The following VIT variants were observed in gnomAD, a reference collection of about 807,000 sequenced individuals.
VIT encodes the protein vitrin.
VIT carries 99 observed loss-of-function variants against 78.0 expected under a neutral mutation model. That is an observed-to-expected ratio of 1.27 (90% CI 1.08 to 1.50). The LOEUF is 1.50. Among genes scored for constraint, VIT ranks in the 40% most tolerant of loss-of-function variants. The probability of loss-of-function intolerance (pLI) is 0.00; values close to 1 mark genes in which losing one functional copy is unlikely to be tolerated. For synonymous variants in VIT, 374 were observed against 334.3 expected, an observed-to-expected ratio of 1.12 and a Z score of -1.29; for missense variants, 1,126 against 875.3, an observed-to-expected ratio of 1.29 and a Z score of -3.61.
chr2:36,776,541 C>T (rs1203181288), intron 9 of VIT, among the ~76,000 whole-genome samples: 4 of 152,092 alleles, frequency 2.6e-5, no homozygotes, highest in Admixed American at 2.0e-4. Context: ...TGGTTCACGC[C>T]GGTAATCCCA....
At chr2:36,804,744 C>T (rs1352523897) in intron 13 of VIT, among the ~76,000 whole-genome samples, 1 of 151,856 alleles carries the variant, frequency 6.6e-6, no homozygotes, top group African/African-American at 2.4e-5. Flanking sequence ...GCAGGAGAAT[C>T]ACTTGAACCT....
rs116271250 is a variant in VIT at position 36,795,850 on chromosome 2, T to C, written c.1059-5451T>C. On this transcript the variant is annotated intron_variant, in intron 12 of 15. Coordinates refer to ENST00000379242, the MANE Select transcript of VIT (RefSeq NM_053276.4). ...GTAGTGCTGAAATGCTAGCTAGCTT[T>C]CTTAAGTGCAAGAAGCTGGGTTGTG... Among the ~76,000 whole-genome samples the C allele has an allele frequency of 4.4e-3, 676 of 152,312 alleles. 8 individuals are homozygous for C. Among genetic ancestry groups the C allele is most frequent in the African/African-American group, 0.016 (656 of 41,574 alleles).
intron 4 of VIT, among the ~76,000 whole-genome samples, chr2:36,748,941 G>A (rs756940921): frequency 2.0e-5 from 3 of 152,094 alleles, no homozygotes; most frequent in Non-Finnish European, 4.4e-5. Context: ...TCATCTTGAC[G>A]CCCTCCCTGA....
At chr2:36,789,005 T>C (rs552932953) in intron 12 of VIT, among the ~76,000 whole-genome samples, 1 of 152,300 alleles carries the variant, frequency 6.6e-6, no homozygotes, top group Admixed American at 6.5e-5. Context: ...AAGCAAGAGT[T>C]TACCCCCATG....
intron 3 of VIT, among the ~76,000 whole-genome samples, chr2:36,730,715 G>A (rs1667149167): frequency 6.6e-6 from 1 of 152,204 alleles, no homozygotes; most frequent in African/African-American, 2.4e-5. Context: ...ATGAGGATAA[G>A]CTGGACATTG....
intron 15 of VIT, among the ~76,000 whole-genome samples, chr2:36,812,968 T>A (rs1365606085): frequency 2.7e-5 from 4 of 147,658 alleles, no homozygotes; most frequent in Non-Finnish European, 6.0e-5. Flanking sequence ...TTCAAGTGAT[T>A]CTCCTGTCTC....
chr2:36,796,748 T>C (rs1456501890), intron 12 of VIT, among the ~76,000 whole-genome samples: 3 of 152,112 alleles, frequency 2.0e-5, no homozygotes, highest in Admixed American at 6.6e-5. Context: ...ATTACAGGCG[T>C]GAACCACCAT....
intron 3 of VIT, among the ~76,000 whole-genome samples, chr2:36,736,525 G>A (rs374905292): frequency 6.6e-6 from 1 of 152,206 alleles, no homozygotes; most frequent in East Asian, 1.9e-4. Flanking sequence ...TAATGAAGCT[G>A]CAGAAGAGCC....
At chr2:36,750,933 T>C (rs1668422359) in intron 4 of VIT, among the ~76,000 whole-genome samples, 1 of 149,956 alleles carries the variant, frequency 6.7e-6, no homozygotes, top group Non-Finnish European at 1.5e-5. Flanking sequence ...TCATTTGTTA[T>C]ATAAGAAACC....
chr2:36,805,738 G>A (rs1666674575), intron 14 of VIT, 74 bp downstream of exon 14: 1 of 1,485,724 alleles, frequency 6.7e-7, no homozygotes, highest in Non-Finnish European at 9.2e-7. Flanking sequence ...CCGTTGCAGT[G>A]GTTTTCCCAT....
At chr2:36,812,429 A>T (rs1267836665) in intron 15 of VIT, among the ~76,000 whole-genome samples, 1 of 152,116 alleles carries the variant, frequency 6.6e-6, no homozygotes, top group Non-Finnish European at 1.5e-5. Flanking sequence ...GCTATTGTAG[A>T]GTAAGGTCAA....
chr2:36,773,690 C>T, intron 7 of VIT, 101 bp from the exon 8 acceptor site: 1 of 1,090,524 alleles, frequency 9.2e-7, no homozygotes, highest in East Asian at 3.1e-5. Flanking sequence ...CACCACTGCA[C>T]TCCAGCTCTG....
rs1030023476 is a variant in VIT at position 36,729,431 on chromosome 2, C to T, written c.58C>T (p.Leu20=). 6.3e-7 allele frequency: 1 copy of T among 1,598,276 alleles called. No individual in the cohort carries two copies. The highest frequency in any genetic ancestry group is 8.5e-7 in the Non-Finnish European group (1 of 1,174,518). Residue 20 remains leucine (L), a synonymous_variant, in exon 3 of 16, where the codon CTG becomes TTG. Coordinates refer to ENST00000379242, the MANE Select transcript of VIT (RefSeq NM_053276.4). ...TAAAAATTTTCTTCATGTAGTTTTG[C>T]TGGTGACTGGAGTACATTCAAACAA... The part of the protein sequence containing the change: ...ASVIEMFLVL[L]VTGVHSNKET...
At chr2:36,804,460 C>G (rs1350694180) in intron 13 of VIT, among the ~76,000 whole-genome samples, 1 of 152,214 alleles carries the variant, frequency 6.6e-6, no homozygotes, top group Non-Finnish European at 1.5e-5. Flanking sequence ...CTCCTCCCAC[C>G]CTACACTCTT....
At position 36,763,438 on chromosome 2, in the gene VIT, G is replaced by A. The variant is rs1669238565; in HGVS notation, c.488-3656G>A. ...CTTTATGTAGCTGAGATTGCAGGAA[G>A]AAACTATTTTACTAGTTTTTTTTCA... is the stretch of plus-strand genomic sequence containing the variant. On this transcript the variant is annotated intron_variant, in intron 6 of 15. Transcript: ENST00000379242. Among the ~76,000 whole-genome samples the A allele has an allele frequency of 2.6e-5, 4 of 152,286 alleles. No individual in the cohort carries two copies. The South Asian group carries it at 6.2e-4, about 24-fold the overall frequency.
chr2:36,727,154 T>C (rs981966626), intron 2 of VIT, among the ~76,000 whole-genome samples: 2 of 151,916 alleles, frequency 1.3e-5, no homozygotes, highest in Admixed American at 6.6e-5. Context: ...AATACTCAGG[T>C]CACTTCTCAG....
chr2:36,800,503 A>C (rs55849213), intron 12 of VIT, among the ~76,000 whole-genome samples: 2,811 of 152,300 alleles, frequency 0.018, 41 homozygotes, highest in Non-Finnish European at 0.032. Context: ...CTTCTGGAGC[A>C]TGGAGCCCTG....
At chr2:36,729,012 T>C (rs1236103747) in intron 2 of VIT, among the ~76,000 whole-genome samples, 1 of 152,112 alleles carries the variant, frequency 6.6e-6, no homozygotes, top group East Asian at 1.9e-4. Context: ...TCTAAAGGTG[T>C]ACCACTTTTT....
chr2:36,740,914 A>G (rs1667796821), intron 3 of VIT, among the ~76,000 whole-genome samples: 1 of 152,236 alleles, frequency 6.6e-6, no homozygotes, highest in Non-Finnish European at 1.5e-5. Flanking sequence ...TCATGAAATA[A>G]GCTTCCAGAT....
Sources: gnomAD v4.1 joint callset for allele counts (sites outside exome capture counted in the v4.1 genomes callset) on GRCh38, gnomAD v4.1.1 for gene constraint, MANE v1.5 for transcripts, NCBI Gene and HGNC (gene_info 2026-07-23, HGNC 2026-07-21) for gene names.